IP6K1: variants seen among roughly 807,000 people sequenced by gnomAD.
The protein encoded by IP6K1 is ATP:1D-myo-inositol-hexakisphosphate phosphotransferase.
Under a neutral mutation model 38.3 loss-of-function variants are expected in IP6K1, and 13 were observed. The ratio of observed to expected loss-of-function variants is 0.34; its 90% CI spans 0.22 to 0.54. IP6K1 has a LOEUF of 0.54. Among genes scored for constraint, IP6K1 ranks in the 20% least tolerant of loss-of-function variants. The probability of loss-of-function intolerance (pLI) is 0.92; values close to 1 mark genes in which losing one functional copy is unlikely to be tolerated. For synonymous variants in IP6K1, 212 were observed against 229.9 expected (o/e 0.92, Z 0.70); for missense variants, 397 against 599.8 (o/e 0.66, Z 3.53).
chr3:49,739,720 C>T lies in IP6K1; in HGVS notation c.224-1298G>A, dbSNP rs180727408. Among the ~76,000 whole-genome samples the T allele has an allele frequency of 1.5e-3, 234 of 152,226 alleles. 1 individual carries two copies. In the South Asian group the frequency reaches 0.026, roughly 17 times the overall value. ...TCCCATTGGAGTGCAGTGGTGCCAT[C>T]ATAGCTCACTACAACCTCGAACTCC... On this transcript the variant is annotated intron_variant, in intron 2 of 5. Transcript: ENST00000321599.
chr3:49,736,168 G>A (rs1428810006), intron 3 of IP6K1, among the ~76,000 whole-genome samples: 1 of 152,028 alleles, frequency 6.6e-6, no homozygotes, highest in Non-Finnish European at 1.5e-5. Flanking sequence ...CACCCGCCTC[G>A]GCCTCCCAAA....
intron 1 of IP6K1, among the ~76,000 whole-genome samples, chr3:49,783,535 ACC>A: frequency 1.3e-5 from 2 of 151,732 alleles, no homozygotes; most frequent in South Asian, 4.2e-4. Flanking sequence ...ACACGGTGAA[ACC>A]CCGTCTCTCC....
intron 1 of IP6K1, among the ~76,000 whole-genome samples, chr3:49,774,407 C>CAAAAAAAAAAAAAAAA (rs777187857): frequency 6.8e-5 from 3 of 44,278 alleles, no homozygotes; most frequent in Non-Finnish European, 9.4e-5. Flanking sequence ...GACTCCATCT[C>CAAAAAAAAAAAAAAAA]AAAAAAAAAA....
intron 1 of IP6K1, among the ~76,000 whole-genome samples, chr3:49,780,856 T>C (rs894773791): frequency 1.3e-5 from 2 of 152,170 alleles, no homozygotes; most frequent in East Asian, 1.9e-4. Context: ...CAGAAATTCA[T>C]AGCCACCAAA....
At chr3:49,765,311 T>C (rs1559712744) in intron 1 of IP6K1, among the ~76,000 whole-genome samples, 2 of 151,722 alleles carry the variant, frequency 1.3e-5, no homozygotes, top group South Asian at 2.1e-4. Context: ...AGAAAAAATA[T>C]AGAACACTGG....
intron 1 of IP6K1, among the ~76,000 whole-genome samples, chr3:49,769,806 T>C (rs1199241632): frequency 1.3e-5 from 2 of 152,204 alleles, no homozygotes; most frequent in Non-Finnish European, 2.9e-5. Flanking sequence ...GTATAACTTG[T>C]TAGCTTTAAA....
Position 49,726,935 on chromosome 3 carries a change from G to A in IP6K1, c.*187C>T, listed in dbSNP as rs180715403. 2,339 of 596,166 alleles carry A rather than the reference G, an allele frequency of 3.9e-3. 9 individuals are homozygous for A. The highest frequency in any genetic ancestry group is 0.011 in the Admixed American group (336 of 29,978). The allele number at this position is 596,166 out of a possible 1,614,324, so 36.9% of individuals were successfully genotyped here. A position where few individuals can be genotyped will look rare whatever the true frequency, so the allele number is the denominator to read the frequency against. On this transcript the variant is annotated 3_prime_UTR_variant, in exon 6 of 6. Transcript: ENST00000321599. Reference sequence around the variant, plus strand: ...AGCTGAGGAGCCTGGCTGAGAGGGCGTGTGGTCTGCCCTCCTTCACTTTAT... The same window carrying A: ...AGCTGAGGAGCCTGGCTGAGAGGGCATGTGGTCTGCCCTCCTTCACTTTAT...
intron 1 of IP6K1, among the ~76,000 whole-genome samples, chr3:49,774,848 T>G (rs949816570): frequency 6.6e-6 from 1 of 152,170 alleles, no homozygotes; most frequent in African/African-American, 2.4e-5. Flanking sequence ...AATAAATGGT[T>G]AAGTTCCTGT....
Position 49,727,374 on chromosome 3 carries a change from G to C in IP6K1, c.1074C>G (p.Leu358=), listed in dbSNP as rs764935395. The C allele has an allele frequency of 2.0e-5, 33 of 1,613,990 alleles. 1 individual carries two copies. The East Asian group carries it at 7.1e-4, about 35-fold the overall frequency. ...SCLDRRSEMR[L]KHLDMVLPEV... is the part of the protein sequence containing the mutation. ...CAGGGAGCACCATGTCCAGGTGCTT[G>C]AGACGCATCTCAGACCGGCGGTCCA... The change falls in exon 6 of 6, where the codon CTC becomes CTG. Residue 358 remains leucine, a synonymous_variant. Coordinates refer to ENST00000321599, the MANE Select transcript of IP6K1 (RefSeq NM_153273.4). The surrounding 1 kb of genome is among the most constrained non-coding windows in gnomAD (Gnocchi z 5.9).
chr3:49,763,946 C>T (rs1012824672), intron 1 of IP6K1, among the ~76,000 whole-genome samples: 6 of 152,114 alleles, frequency 3.9e-5, no homozygotes, highest in South Asian at 2.1e-4. Context: ...TGCTGGAACC[C>T]GGGAGGCAAA....
chr3:49,781,541 A>C (rs528967122), intron 1 of IP6K1, among the ~76,000 whole-genome samples: 2 of 152,306 alleles, frequency 1.3e-5, no homozygotes, highest in Non-Finnish European at 2.9e-5. Context: ...CTGAAGCAAA[A>C]GGTCATCTCC....
At chr3:49,742,435 A>G (rs1011898230) in intron 2 of IP6K1, among the ~76,000 whole-genome samples, 1 of 152,042 alleles carries the variant, frequency 6.6e-6, no homozygotes, top group Non-Finnish European at 1.5e-5. Flanking sequence ...TGTAGTCCCA[A>G]CTACTCGGGA....
chr3:49,731,905 A>AAAAAAAAAAAAAAAAAAAAAAT (rs2080565992), intron 4 of IP6K1, among the ~76,000 whole-genome samples: 2 of 142,562 alleles, frequency 1.4e-5, no homozygotes, highest in South Asian at 2.3e-4. Flanking sequence ...AAAAAAAAAA[A>AAAAAAAAAAAAAAAAAAAAAAT]GGAATTCCTA....
intron 3 of IP6K1, among the ~76,000 whole-genome samples, chr3:49,737,392 A>G (rs1423552198): frequency 6.6e-6 from 1 of 152,190 alleles, no homozygotes; most frequent in Non-Finnish European, 1.5e-5. Flanking sequence ...AATTATCAAG[A>G]CACATAATTT....
intron 2 of IP6K1, among the ~76,000 whole-genome samples, chr3:49,746,604 G>T (rs1443707323): frequency 6.8e-6 from 1 of 148,074 alleles, no homozygotes; most frequent in Non-Finnish European, 1.5e-5. Context: ...GAACCCGGGA[G>T]TTGGAGGTTG....
chr3:49,734,193 A>C (rs2080586491), intron 3 of IP6K1, among the ~76,000 whole-genome samples: 1 of 152,070 alleles, frequency 6.6e-6, no homozygotes, highest in Admixed American at 6.6e-5. Flanking sequence ...TTTTGTGAGA[A>C]AGCAACTTCA....
intron 1 of IP6K1, among the ~76,000 whole-genome samples, chr3:49,774,202 C>T (rs907794533): frequency 3.3e-5 from 5 of 151,802 alleles, no homozygotes; most frequent in African/African-American, 9.7e-5. Flanking sequence ...TTAGGAGGAT[C>T]GAGAACATCC....
chr3:49,734,327 C>T (rs1395518283), intron 3 of IP6K1, among the ~76,000 whole-genome samples: 1 of 151,318 alleles, frequency 6.6e-6, no homozygotes, highest in African/African-American at 2.4e-5. Context: ...ACTGGTGAAG[C>T]CATGTGCCCT....
intron 1 of IP6K1, among the ~76,000 whole-genome samples, chr3:49,776,942 T>C (rs1218487149): frequency 6.6e-6 from 1 of 152,104 alleles, no homozygotes; most frequent in African/African-American, 2.4e-5. Flanking sequence ...CTAACTGACA[T>C]CTTTTCACTG....
Sources: allele counts gnomAD v4.1 joint callset (sites outside exome capture counted in the v4.1 genomes callset), GRCh38; gene constraint gnomAD v4.1.1; non-coding constraint Gnocchi (gnomAD v3.1); transcripts MANE v1.5; gene names NCBI Gene and HGNC (gene_info 2026-07-23, HGNC 2026-07-21).